LHFPL7: variants seen among roughly 807,000 people sequenced by gnomAD.
The protein encoded by LHFPL7 is LHFPL tetraspan subfamily member 7.
the LHFPL7 span, among the ~76,000 whole-genome samples, chr22:24,942,802 C>A: frequency 4.7e-4 from 71 of 152,190 alleles, no homozygotes; most frequent in African/African-American, 1.6e-3. Context: ...AGCCCAGATC[C>A]TCCCCTTCCC....
At chr22:24,940,514 T>G in the LHFPL7 span, among the ~76,000 whole-genome samples, 1 of 150,814 alleles carries the variant, frequency 6.6e-6, no homozygotes, top group South Asian at 2.1e-4. Context: ...GAGAATGGCG[T>G]GAACCCGGGA....
chr22:24,937,985 T>C, the LHFPL7 span, among the ~76,000 whole-genome samples: 14 of 152,256 alleles, frequency 9.2e-5, no homozygotes, highest in Non-Finnish European at 4.4e-5. Flanking sequence ...CCCTGATTTC[T>C]GGCTTGCCAA....
the LHFPL7 span, among the ~76,000 whole-genome samples, chr22:24,937,050 G>T: frequency 6.6e-6 from 1 of 152,202 alleles, no homozygotes; most frequent in Non-Finnish European, 1.5e-5. Flanking sequence ...TGATAACCAG[G>T]CAGACAGACA....
At chr22:24,939,230 A>G in the LHFPL7 span, 1 of 689,262 alleles carries the variant, frequency 1.5e-6, no homozygotes, top group East Asian at 2.7e-5. Flanking sequence ...TGGGACACTC[A>G]GGCAGTGAGG....
the LHFPL7 span, chr22:24,935,171 A>G: frequency 4.5e-6 from 4 of 898,546 alleles, no homozygotes; most frequent in Non-Finnish European, 6.6e-6. Flanking sequence ...GGTAGGTATG[A>G]TTTCAACTTT....
chr22:24,939,924 C>CTTTTT, the LHFPL7 span, among the ~76,000 whole-genome samples: 489 of 86,886 alleles, frequency 5.6e-3, 6 homozygotes, highest in East Asian at 0.016. Context: ...TCATTTATCG[C>CTTTTT]TTTTTTTTTT....
At chr22:24,946,303 G>T in the LHFPL7 span, among the ~76,000 whole-genome samples, 5 of 151,958 alleles carry the variant, frequency 3.3e-5, no homozygotes, top group African/African-American at 1.2e-4. Flanking sequence ...GAGCAAGACT[G>T]TCTCAAAAAA....
the LHFPL7 span, chr22:24,939,599 G>C: frequency 2.9e-6 from 2 of 697,050 alleles, no homozygotes; most frequent in South Asian, 3.0e-5. Context: ...CAGGGACAAG[G>C]AGAGAAAGGG....
the LHFPL7 span, among the ~76,000 whole-genome samples, chr22:24,940,609 T>A: frequency 0.15 from 16,578 of 110,642 alleles, 1,122 homozygotes; most frequent in South Asian, 0.24. Context: ...AAAAAAAAAA[T>A]AATAATAATT....
At chr22:24,939,680 G>A in the LHFPL7 span, 3 of 629,874 alleles carry the variant, frequency 4.8e-6, no homozygotes, top group Non-Finnish European at 8.6e-6. Flanking sequence ...CCCCCCTTGA[G>A]CCTGGAGATG....
chr22:24,945,185 G>A, the LHFPL7 span, among the ~76,000 whole-genome samples: 6 of 152,178 alleles, frequency 3.9e-5, no homozygotes, highest in South Asian at 2.1e-4. Flanking sequence ...TTATAGGCAT[G>A]AGCCACCGTG....
At chr22:24,938,622 G>A in the LHFPL7 span, among the ~76,000 whole-genome samples, 1 of 152,208 alleles carries the variant, frequency 6.6e-6, no homozygotes, top group African/African-American at 2.4e-5. Context: ...CCAGCATATA[G>A]TACCTTTATT....
the LHFPL7 span, among the ~76,000 whole-genome samples, chr22:24,935,971 TCA>T: frequency 6.6e-6 from 1 of 151,950 alleles, no homozygotes; most frequent in Non-Finnish European, 1.5e-5. Context: ...CCCATTTTCC[TCA>T]TCCATCCACT....
the LHFPL7 span, among the ~76,000 whole-genome samples, chr22:24,945,193 G>A: frequency 6.6e-6 from 1 of 152,152 alleles, no homozygotes; most frequent in African/African-American, 2.4e-5. Flanking sequence ...ATGAGCCACC[G>A]TGCCTAGCCT....
chr22:24,945,445 G>C, the LHFPL7 span, among the ~76,000 whole-genome samples: 1 of 152,270 alleles, frequency 6.6e-6, no homozygotes, highest in Non-Finnish European at 1.5e-5. Context: ...ATTCTGGATT[G>C]ATTTTGAAGG....
chr22:24,940,031 C>A, the LHFPL7 span, among the ~76,000 whole-genome samples: 1 of 149,358 alleles, frequency 6.7e-6, no homozygotes, highest in Non-Finnish European at 1.5e-5. Flanking sequence ...GGGGTCACGC[C>A]ATTCTCCTGC....
chr22:24,943,217 T>C, the LHFPL7 span, among the ~76,000 whole-genome samples: 4 of 152,154 alleles, frequency 2.6e-5, no homozygotes, highest in South Asian at 8.3e-4. Flanking sequence ...GGCCTATGAT[T>C]GTGCCTCTCT....
chr22:24,941,726 A>G, the LHFPL7 span, among the ~76,000 whole-genome samples: 1 of 150,852 alleles, frequency 6.6e-6, no homozygotes, highest in African/African-American at 2.4e-5. Flanking sequence ...GCTGGAGTAC[A>G]GTGGCGCGAT....
At chr22:24,938,420 T>C in the LHFPL7 span, 1 of 1,491,550 alleles carries the variant, frequency 6.7e-7, no homozygotes, top group Non-Finnish European at 9.0e-7. Flanking sequence ...AGGTGGATGC[T>C]CCCCTGCTCA....
Sources: allele counts gnomAD v4.1 joint callset (sites outside exome capture counted in the v4.1 genomes callset), GRCh38; gene constraint gnomAD v4.1.1; transcripts MANE v1.5; gene names NCBI Gene and HGNC (gene_info 2026-07-23, HGNC 2026-07-21).